The following RAB11FIP2 variants were observed in gnomAD, a reference collection of about 807,000 sequenced individuals.
The protein encoded by RAB11FIP2 is RAB11 family interacting protein 2.
In RAB11FIP2, 16 loss-of-function variants were observed where a neutral mutation model predicts 40.9. The observed-to-expected ratio is 0.39, with a 90% CI of 0.26 to 0.59. The LOEUF is 0.59. RAB11FIP2 is among the 20% of genes least tolerant of loss of function. RAB11FIP2 has a pLI of 0.53. For missense variants in RAB11FIP2, 532 were observed against 606.2 expected (o/e 0.88, Z 1.28); for synonymous variants, 228 against 213.7 (o/e 1.07, Z -0.58).
rs1162779112 is a variant in RAB11FIP2, at chr10:118,040,576, A to C, written c.354-11T>G. 1 of 1,555,852 alleles carries C rather than the reference A, an allele frequency of 6.4e-7. No individual in the cohort carries two copies. Among genetic ancestry groups the C allele is most frequent in the Non-Finnish European group, 8.7e-7 (1 of 1,152,152 alleles). ...TCTAATCTAAACCACCTTAAAGAGAAGAAAAAAAAATTGGCTGTAACACAT... is the reference window on the plus strand; with the variant it reads ...TCTAATCTAAACCACCTTAAAGAGACGAAAAAAAAATTGGCTGTAACACAT... On this transcript the variant is annotated splice_polypyrimidine_tract_variant and intron_variant, in intron 1 of 4. Transcript: ENST00000355624.
intron 1 of RAB11FIP2, 25 bp from the exon 2 acceptor site, chr10:118,040,590 G>T: frequency 6.7e-7 from 1 of 1,499,000 alleles, no homozygotes; most frequent in African/African-American, 1.4e-5. Flanking sequence ...AAAAAAATTG[G>T]CTGTAACACA....
chr10:118,032,143 T>C (rs982128439), intron 3 of RAB11FIP2, among the ~76,000 whole-genome samples: 7 of 152,098 alleles, frequency 4.6e-5, no homozygotes, highest in Non-Finnish European at 7.4e-5. Context: ...CTTCAGTAGG[T>C]GGAGTTCTGT....
At chr10:118,024,749 C>CA (rs1221507671) in intron 3 of RAB11FIP2, among the ~76,000 whole-genome samples, 1 of 152,084 alleles carries the variant, frequency 6.6e-6, no homozygotes, top group Admixed American at 6.5e-5. Context: ...TGAAAAAAGA[C>CA]AGACGGCCCA....
intron 3 of RAB11FIP2, among the ~76,000 whole-genome samples, chr10:118,020,987 T>C (rs1846277914): frequency 6.6e-6 from 1 of 152,020 alleles, no homozygotes; most frequent in African/African-American, 2.4e-5. Flanking sequence ...CATAACTACT[T>C]ATTTTAACTT....
In RAB11FIP2 at chr10:118,009,578, T is replaced by G. The variant is rs148194364; in HGVS notation, c.1312-353A>C. Among the ~76,000 whole-genome samples the G allele has an allele frequency of 2.8e-4, 42 of 152,274 alleles. No homozygotes were observed. In the East Asian group the frequency reaches 7.9e-3, roughly 29 times the overall value. ...AAACTAAAGATTTCTAAAAGTTAAC[T>G]CAGAGGAACTGTAAGAAGTAACTGA... On this transcript the variant is annotated intron_variant, in intron 4 of 4. Coordinates refer to ENST00000355624, the MANE Select transcript of RAB11FIP2 (RefSeq NM_014904.3).
At position 118,046,729 on chromosome 10, in the gene RAB11FIP2, T is replaced by G. The variant is rs1846648323; in HGVS notation, c.-566A>C. On this transcript the variant is annotated 5_prime_UTR_variant, in exon 1 of 5. Transcript: ENST00000355624. ...TCCTCCTCCTCCCCCTCGCCTCAGCTCCTCCTCTCGGGCGGGAGCGGGTAG... is the reference window on the plus strand; with the variant it reads ...TCCTCCTCCTCCCCCTCGCCTCAGCGCCTCCTCTCGGGCGGGAGCGGGTAG... The G allele has an allele frequency of 6.6e-6, 1 of 151,964 alleles. No homozygotes were observed. Among genetic ancestry groups the G allele is most frequent in the South Asian group, 2.1e-4 (1 of 4,826 alleles). The allele number at this position is 151,964 out of a possible 1,614,324, so 9.4% of individuals were successfully genotyped here.
intron 3 of RAB11FIP2, 47 bp downstream of exon 3, chr10:118,038,925 G>T: frequency 7.8e-7 from 1 of 1,283,028 alleles, no homozygotes; most frequent in Non-Finnish European, 1.1e-6. Flanking sequence ...ATACCTTCAA[G>T]TACAAGATTT....
At chr10:118,017,827 T>C (rs1282775052) in intron 3 of RAB11FIP2, 3 of 152,184 alleles carry the variant, frequency 2.0e-5, no homozygotes, top group African/African-American at 4.8e-5. Flanking sequence ...ATTATACTTA[T>C]TGCAATAAGG....
At chr10:118,043,294 G>T (rs1354320409) in intron 1 of RAB11FIP2, 1 of 151,600 alleles carries the variant, frequency 6.6e-6, no homozygotes, top group African/African-American at 2.4e-5. Context: ...ACAGACTCTG[G>T]TTGTTATTAC....
chr10:118,027,786 T>C (rs989825380), intron 3 of RAB11FIP2, among the ~76,000 whole-genome samples: 2 of 152,212 alleles, frequency 1.3e-5, no homozygotes, highest in African/African-American at 4.8e-5. Context: ...AGTCACTTTT[T>C]ATAAATTATC....
intron 3 of RAB11FIP2, among the ~76,000 whole-genome samples, chr10:118,035,570 T>C (rs892088513): frequency 2.6e-5 from 4 of 152,130 alleles, no homozygotes; most frequent in African/African-American, 9.7e-5. Context: ...TTTGCTACAC[T>C]GTGTGCATTA....
intron 3 of RAB11FIP2, among the ~76,000 whole-genome samples, chr10:118,019,516 T>C (rs1310746773): frequency 6.6e-6 from 1 of 152,108 alleles, no homozygotes; most frequent in Non-Finnish European, 1.5e-5. Flanking sequence ...CTTAACCAAG[T>C]GGGCTCTAGA....
intron 3 of RAB11FIP2, among the ~76,000 whole-genome samples, chr10:118,019,808 G>T (rs1846262088): frequency 6.6e-6 from 1 of 150,780 alleles, no homozygotes; most frequent in Admixed American, 6.6e-5. Context: ...CCTGGGGGAA[G>T]GAGCGAGACT....
chr10:118,035,042 C>T lies in RAB11FIP2; in HGVS notation c.1265+3930G>A, dbSNP rs1314017825. Among the ~76,000 whole-genome samples, 3 of 152,094 alleles carry T rather than the reference C, an allele frequency of 2.0e-5. No homozygotes were observed. In the East Asian group the frequency reaches 5.8e-4, roughly 29 times the overall value. On this transcript the variant is annotated intron_variant, in intron 3 of 4. Coordinates refer to ENST00000355624, the MANE Select transcript of RAB11FIP2 (RefSeq NM_014904.3). The stretch of plus-strand genomic sequence containing the variant: ...TGGAAGTAATGCATACTGCACTAGG[C>T]CTGGCACACAGAAATGACCCTCCTT...
rs560060091 is a variant in RAB11FIP2, at chr10:118,009,278, A to G, written c.1312-53T>C. ...CATAGATATAACATCTGGGACAAAC[A>G]TTAAGAATTACCTGGAACTTCGACT... On this transcript the variant is annotated intron_variant, in intron 4 of 4. Coordinates refer to ENST00000355624, the MANE Select transcript of RAB11FIP2 (RefSeq NM_014904.3). 2.0e-6 allele frequency: 3 copies of G among 1,470,732 alleles called. No homozygotes were observed. In the South Asian group the frequency reaches 3.7e-5, roughly 18 times the overall value. The allele number at this position is 1,470,732 out of a possible 1,614,324, so 91.1% of individuals were successfully genotyped here. A position where few individuals can be genotyped will look rare whatever the true frequency, so the allele number is the denominator to read the frequency against.
intron 3 of RAB11FIP2, among the ~76,000 whole-genome samples, chr10:118,017,016 T>G (rs1310961650): frequency 6.6e-6 from 1 of 152,218 alleles, no homozygotes; most frequent in African/African-American, 2.4e-5. Context: ...TTCTAAGCAC[T>G]TTACCAAAAT....
Position 118,009,980 on chromosome 10 carries a change from TTATTC to T in RAB11FIP2, c.1312-760_1312-756del, listed in dbSNP as rs568882989. 3.2e-4 allele frequency among the ~76,000 whole-genome samples: 48 copies of T among 152,280 alleles called. No individual in the cohort carries two copies. The South Asian group carries it at 5.8e-3, about 18-fold the overall frequency. On this transcript the variant is annotated intron_variant, in intron 4 of 4. Transcript: ENST00000355624. The stretch of plus-strand genomic sequence containing the variant: ...TCCCATTTCATCTATTTACTTAACT[TTATTC>T]TATTGACAAAAATTCTTTTTAGGCA...
At chr10:118,043,042 CT>C (rs140559164) in intron 1 of RAB11FIP2, among the ~76,000 whole-genome samples, 3,526 of 152,178 alleles carry the variant, frequency 0.023, 131 homozygotes, top group African/African-American at 0.08. Context: ...GATTAGCTGA[CT>C]TTTTTTCACC....
At chr10:118,039,468 A>C (rs1361085006) in intron 2 of RAB11FIP2, 28 bp from the exon 3 acceptor site, 1 of 1,550,716 alleles carries the variant, frequency 6.4e-7, no homozygotes, top group Non-Finnish European at 8.9e-7. Flanking sequence ...GTTAGTACAT[A>C]ATCAGTGACA....
Sources: allele counts gnomAD v4.1 joint callset (sites outside exome capture counted in the v4.1 genomes callset), GRCh38; gene constraint gnomAD v4.1.1; transcripts MANE v1.5; gene names NCBI Gene and HGNC (gene_info 2026-07-23, HGNC 2026-07-21).